Variants in PLCXD3 observed in about 807,000 individuals in gnomAD.
PLCXD3 encodes the protein phosphatidylinositol specific phospholipase C X domain containing 3.
In PLCXD3, 19 loss-of-function variants were observed where a neutral mutation model predicts 25.5. The observed-to-expected ratio is 0.75, with a 90% confidence interval of 0.52 to 1.09. The LOEUF (loss-of-function observed/expected upper bound fraction) is 1.09. Among genes scored for constraint, PLCXD3 ranks in the 50% least tolerant of loss-of-function variants. The probability of loss-of-function intolerance (pLI) is 0.00; values close to 1 mark genes in which losing one functional copy is unlikely to be tolerated. For missense variants in PLCXD3, 411 were observed against 388.1 expected (o/e 1.06, Z -0.50); for synonymous variants, 174 against 137.6 (o/e 1.26, Z -1.85).
chr5:41,382,957 G>A (rs1027190446), intron 1 of PLCXD3, among the ~76,000 whole-genome samples: 15 of 151,990 alleles, frequency 9.9e-5, no homozygotes, highest in Admixed American at 2.6e-4. Context: ...AAGCCTAGAA[G>A]GATTGTCTCA....
chr5:41,490,732 G>T (rs1357306692), intron 1 of PLCXD3, among the ~76,000 whole-genome samples: 1 of 152,100 alleles, frequency 6.6e-6, no homozygotes, highest in Non-Finnish European at 1.5e-5. Flanking sequence ...AGAGGTGATT[G>T]TAGTATTCTC....
chr5:41,352,636 A>G (rs1744496322), intron 2 of PLCXD3, among the ~76,000 whole-genome samples: 2 of 152,262 alleles, frequency 1.3e-5, no homozygotes, highest in Admixed American at 1.3e-4. Context: ...AGCATTCTGC[A>G]CTAGTAGAAT....
intron 1 of PLCXD3, among the ~76,000 whole-genome samples, chr5:41,489,471 G>T (rs945636720): frequency 1.3e-5 from 2 of 152,200 alleles, no homozygotes. Flanking sequence ...GTGATGAAAG[G>T]CATTGGTAGC....
At chr5:41,358,616 G>T (rs187614378) in intron 2 of PLCXD3, among the ~76,000 whole-genome samples, 274 of 152,300 alleles carry the variant, frequency 1.8e-3, no homozygotes, top group African/African-American at 6.3e-3. Context: ...CATCCAGGCT[G>T]GTACGGATGC....
chr5:41,331,016 T>G (rs1173109009), intron 2 of PLCXD3, among the ~76,000 whole-genome samples: 1 of 151,866 alleles, frequency 6.6e-6, no homozygotes. Context: ...ACTGGAAGCA[T>G]TCCCTTTGAA....
intron 2 of PLCXD3, among the ~76,000 whole-genome samples, chr5:41,368,820 T>A (rs1346847518): frequency 6.6e-6 from 1 of 152,224 alleles, no homozygotes; most frequent in African/African-American, 2.4e-5. Flanking sequence ...TTTAGTTCTT[T>A]TTCACATAAA....
intron 1 of PLCXD3, among the ~76,000 whole-genome samples, chr5:41,508,678 C>A (rs1242408458): frequency 1.3e-5 from 2 of 152,222 alleles, no homozygotes; most frequent in East Asian, 3.8e-4. Flanking sequence ...AATCCTGTAG[C>A]TCTAGAGAGT....
At chr5:41,491,122 G>C (rs1177646290) in intron 1 of PLCXD3, among the ~76,000 whole-genome samples, 1 of 152,106 alleles carries the variant, frequency 6.6e-6, no homozygotes, top group Non-Finnish European at 1.5e-5. Flanking sequence ...CCCAGAGATT[G>C]TGGCATGTTG....
At chr5:41,323,593 A>G (rs1743539507) in intron 2 of PLCXD3, among the ~76,000 whole-genome samples, 1 of 152,242 alleles carries the variant, frequency 6.6e-6, no homozygotes, top group African/African-American at 2.4e-5. Context: ...TGATTTAGAG[A>G]TTAGTTTGAC....
chr5:41,376,700 C>T (rs1233435229), intron 2 of PLCXD3, among the ~76,000 whole-genome samples: 3 of 152,108 alleles, frequency 2.0e-5, no homozygotes, highest in Non-Finnish European at 4.4e-5. Context: ...CTCTAAGTTA[C>T]CATAGACCTT....
intron 1 of PLCXD3, among the ~76,000 whole-genome samples, chr5:41,501,615 G>C (rs1277543897): frequency 6.6e-6 from 1 of 151,984 alleles, no homozygotes. Context: ...GAGGTCTGCT[G>C]TGCAATATTG....
chr5:41,338,952 G>T (rs954513899), intron 2 of PLCXD3, among the ~76,000 whole-genome samples: 2 of 151,986 alleles, frequency 1.3e-5, no homozygotes, highest in Non-Finnish European at 2.9e-5. Context: ...CCCTCATTCT[G>T]GTTCTTTTAT....
intron 1 of PLCXD3, among the ~76,000 whole-genome samples, chr5:41,482,615 T>C (rs1270930397): frequency 6.6e-6 from 1 of 152,170 alleles, no homozygotes; most frequent in African/African-American, 2.4e-5. Flanking sequence ...CAAACAAACT[T>C]ATTGGCCATG....
intron 1 of PLCXD3, among the ~76,000 whole-genome samples, chr5:41,496,166 C>T (rs141204567): frequency 9.2e-5 from 14 of 151,782 alleles, no homozygotes; most frequent in Non-Finnish European, 1.8e-4. Flanking sequence ...ATTATCCAGT[C>T]AGAGGAACAA....
chr5:41,432,286 GT>G (rs1368725125), intron 1 of PLCXD3, among the ~76,000 whole-genome samples: 2 of 152,124 alleles, frequency 1.3e-5, no homozygotes, highest in African/African-American at 4.8e-5. Flanking sequence ...TATCATACTT[GT>G]GCTAATCGAG....
chr5:41,349,716 T>G (rs1744397918), intron 2 of PLCXD3, among the ~76,000 whole-genome samples: 2 of 152,176 alleles, frequency 1.3e-5, no homozygotes, highest in South Asian at 4.1e-4. Flanking sequence ...TTGAGGAGAT[T>G]TAAAGACTCA....
intron 1 of PLCXD3, among the ~76,000 whole-genome samples, chr5:41,410,680 C>A (rs556800606): frequency 6.6e-6 from 1 of 152,198 alleles, no homozygotes; most frequent in African/African-American, 2.4e-5. Flanking sequence ...CCTTTTTTCC[C>A]AGCAGTTTTA....
At chr5:41,346,625 T>C (rs1744310251) in intron 2 of PLCXD3, among the ~76,000 whole-genome samples, 2 of 152,308 alleles carry the variant, frequency 1.3e-5, no homozygotes, top group South Asian at 4.1e-4. Context: ...ATTTTAAATA[T>C]TTGTAAGTGT....
chr5:41,483,650 A>G (rs1486185338), intron 1 of PLCXD3, among the ~76,000 whole-genome samples: 2 of 152,152 alleles, frequency 1.3e-5, no homozygotes, highest in East Asian at 1.9e-4. Flanking sequence ...CTGTACAACA[A>G]TGTGAATGTA....
Sources: allele counts gnomAD v4.1 joint callset (sites outside exome capture counted in the v4.1 genomes callset), GRCh38; gene constraint gnomAD v4.1.1; transcripts MANE v1.5; gene names NCBI Gene and HGNC (gene_info 2026-07-23, HGNC 2026-07-21).